The following ZNF713 variants were observed in gnomAD, a reference collection of about 807,000 sequenced individuals.
ZNF713 encodes the protein zinc finger protein 713.
Under a neutral mutation model 28.7 loss-of-function variants are expected in ZNF713, and 21 were observed. That is an observed-to-expected ratio of 0.73 (90% CI 0.52 to 1.05). The LOEUF is 1.05. ZNF713 is among the 50% of genes least tolerant of loss of function. The pLI is 0.00. For missense variants in ZNF713, 458 were observed against 532.4 expected, an observed-to-expected ratio of 0.86 and a Z score of 1.37; for synonymous variants, 167 against 178.0, an observed-to-expected ratio of 0.94 and a Z score of 0.49.
chr7:55,917,303 T>A (rs1368929153), intron 4 of ZNF713, among the ~76,000 whole-genome samples: 1 of 151,126 alleles, frequency 6.6e-6, no homozygotes, highest in Non-Finnish European at 1.5e-5. Flanking sequence ...AAAAGACATG[T>A]CAAGTTGAAA....
intron 4 of ZNF713, among the ~76,000 whole-genome samples, chr7:55,920,025 A>C (rs1785965241): frequency 1.3e-5 from 2 of 152,110 alleles, no homozygotes; most frequent in African/African-American, 4.8e-5. Flanking sequence ...CTGTTCCTCC[A>C]TCTCCCTCTC....
At chr7:55,888,313 T>A (rs1254462722) in intron 1 of ZNF713, among the ~76,000 whole-genome samples, 1 of 152,248 alleles carries the variant, frequency 6.6e-6, no homozygotes, top group East Asian at 1.9e-4. Flanking sequence ...TTGAGTCACT[T>A]TTCCACGGAA....
intron 1 of ZNF713, among the ~76,000 whole-genome samples, chr7:55,890,229 C>T (rs1785355791): frequency 6.6e-6 from 1 of 152,060 alleles, no homozygotes; most frequent in Non-Finnish European, 1.5e-5. Context: ...GCAGGTGGAT[C>T]ACCTGAGGTC....
At chr7:55,937,712 G>C (rs978524192) in intron 6 of ZNF713, among the ~76,000 whole-genome samples, 3 of 151,858 alleles carry the variant, frequency 2.0e-5, no homozygotes, top group Non-Finnish European at 1.5e-5. Context: ...AGACCAGCCT[G>C]GGAAACGTAG....
chr7:55,920,887 C>A (rs1431508784), intron 4 of ZNF713, among the ~76,000 whole-genome samples: 39 of 152,222 alleles, frequency 2.6e-4, no homozygotes. Context: ...TCCCAAAGTG[C>A]TGGGATTACA....
chr7:55,917,706 A>T (rs1367952030), intron 4 of ZNF713, among the ~76,000 whole-genome samples: 2 of 148,286 alleles, frequency 1.3e-5, no homozygotes, highest in Admixed American at 1.3e-4. Context: ...CCCTGTCTCA[A>T]AAAAAAAAAA....
intron 1 of ZNF713, among the ~76,000 whole-genome samples, chr7:55,888,493 C>A (rs1455707757): frequency 6.6e-6 from 1 of 152,186 alleles, no homozygotes; most frequent in Non-Finnish European, 1.5e-5. Context: ...AGAGCTCCTC[C>A]TTCCTCAGCC....
chr7:55,938,162 C>A (rs768899999), intron 6 of ZNF713, among the ~76,000 whole-genome samples: 1 of 152,076 alleles, frequency 6.6e-6, no homozygotes, highest in Non-Finnish European at 1.5e-5. Context: ...CAAGATCACA[C>A]CACTGCACTC....
intron 2 of ZNF713, among the ~76,000 whole-genome samples, chr7:55,909,282 T>A (rs1219439542): frequency 6.6e-6 from 1 of 152,112 alleles, no homozygotes; most frequent in Admixed American, 6.6e-5. Context: ...CACCATTTAT[T>A]GAATAGGATG....
At position 55,929,575 on chromosome 7, in the gene ZNF713, C is replaced by G. The variant is rs1254076820; in HGVS notation, c.307+5876C>G. 2.6e-5 allele frequency among the ~76,000 whole-genome samples: 4 copies of G among 152,086 alleles called. No homozygotes were observed. The South Asian group carries it at 8.3e-4, about 31-fold the overall frequency. On this transcript the variant is annotated intron_variant, in intron 6 of 6. Transcript: ENST00000429591. ...AACTCCAAAGGAAACAGATTTTACACGTAAAACATGAAACTATAAGAGATC... is the reference window on the plus strand; with the variant it reads ...AACTCCAAAGGAAACAGATTTTACAGGTAAAACATGAAACTATAAGAGATC...
In ZNF713 at chr7:55,940,165, C is replaced by A; in HGVS notation, c.*159C>A. On this transcript the variant is annotated 3_prime_UTR_variant, in exon 7 of 7. Coordinates refer to ENST00000429591, the MANE Select transcript of ZNF713 (RefSeq NM_182633.3). ...TGAGACTGAGTCTCACTCTGTCACC[C>A]AGGCTGAAGTGCAGTGGTACAATCT... 2 of 1,267,484 alleles carry A rather than the reference C, an allele frequency of 1.6e-6. No homozygotes were observed. Among genetic ancestry groups the A allele is most frequent in the Non-Finnish European group, 2.1e-6 (2 of 961,776 alleles). The allele number at this position is 1,267,484 out of a possible 1,614,324, so 78.5% of individuals were successfully genotyped here. A position where few individuals can be genotyped will look rare whatever the true frequency, so the allele number is the denominator to read the frequency against.
In ZNF713 at chr7:55,942,095, T is replaced by C. The variant is rs568383439; in HGVS notation, c.*2089T>C. 1.2e-4 allele frequency: 18 copies of C among 152,248 alleles called. No homozygotes were observed. Among genetic ancestry groups the C allele is most frequent in the African/African-American group, 4.1e-4 (17 of 41,554 alleles). The allele number at this position is 152,248 out of a possible 1,614,324, so 9.4% of individuals were successfully genotyped here. ...AATGACCAGAGACTAAGAATTCCCA[T>C]GCCACCCCGTATCACTGTGGAAGAT... is the stretch of plus-strand genomic sequence containing the variant. On this transcript the variant is annotated 3_prime_UTR_variant, in exon 7 of 7. Transcript: ENST00000429591.
rs990584266 is a variant in ZNF713 at position 55,939,506 on chromosome 7, A to G, written c.832A>G (p.Met278Val). ...CACCTCATCTCTTAGCCAGCCTCAG[A>G]TGTTGCTTACAGGAGAGAAGCCCTA... ...SHTSSLSQPQ[M>V]LLTGEKPYKC... Residue 278 changes from methionine (M) to valine (V), a missense_variant, in exon 7 of 7, where the codon ATG becomes GTG. Transcript: ENST00000429591. 3 of 1,614,022 alleles carry G rather than the reference A, an allele frequency of 1.9e-6. No individual in the cohort carries two copies. The highest frequency in any genetic ancestry group is 3.3e-5 in the Admixed American group (2 of 59,974).
chr7:55,940,136 T>C lies in ZNF713; in HGVS notation c.*130T>C. ...ATACATAAATTTTTGTTTTGTTTTG[T>C]TTTTGAGACTGAGTCTCACTCTGTC... On this transcript the variant is annotated 3_prime_UTR_variant, in exon 7 of 7. Transcript: ENST00000429591. 3 of 1,389,752 alleles carry C rather than the reference T, an allele frequency of 2.2e-6. No homozygotes were observed. Among genetic ancestry groups the C allele is most frequent in the Non-Finnish European group, 1.9e-6 (2 of 1,063,742 alleles). The allele number at this position is 1,389,752 out of a possible 1,614,324, so 86.1% of individuals were successfully genotyped here. A position where few individuals can be genotyped will look rare whatever the true frequency, so the allele number is the denominator to read the frequency against.
At chr7:55,904,225 G>T (rs1268739607) in intron 1 of ZNF713, among the ~76,000 whole-genome samples, 4 of 114,370 alleles carry the variant, frequency 3.5e-5, no homozygotes, top group African/African-American at 9.3e-5. Flanking sequence ...CCAGCACCAG[G>T]CCGAGGCGGG....
intron 1 of ZNF713, among the ~76,000 whole-genome samples, chr7:55,892,555 C>CAAAAAAAAAAAAAAAAAAAAAAAAAAA (rs56338467): frequency 1.3e-5 from 1 of 74,366 alleles, no homozygotes; most frequent in African/African-American, 5.8e-5. Context: ...AAGCACTGAC[C>CAAAAAAAAAAAAAAAAAAAAAAAAAAA]AAAAAAAAAA....
At chr7:55,924,440 C>G (rs1470842995) in intron 6 of ZNF713, 7 of 152,266 alleles carry the variant, frequency 4.6e-5, no homozygotes, top group Admixed American at 4.6e-4. Flanking sequence ...CATTTTCTTT[C>G]TCCTTATTCT....
intron 6 of ZNF713, among the ~76,000 whole-genome samples, chr7:55,930,725 T>C (rs1786193773): frequency 6.6e-6 from 1 of 151,994 alleles, no homozygotes; most frequent in African/African-American, 2.4e-5. Context: ...GAGATCGTGC[T>C]ACTCGCCTCC....
At chr7:55,905,931 G>A (rs1214835487) in intron 1 of ZNF713, among the ~76,000 whole-genome samples, 3 of 151,558 alleles carry the variant, frequency 2.0e-5, no homozygotes, top group African/African-American at 4.8e-5. Context: ...ATGAAACCCC[G>A]TCTCTACTAA....
Sources: gnomAD v4.1 joint callset for allele counts (sites outside exome capture counted in the v4.1 genomes callset) on GRCh38, gnomAD v4.1.1 for gene constraint, MANE v1.5 for transcripts, NCBI Gene and HGNC (gene_info 2026-07-23, HGNC 2026-07-21) for gene names.